ABCE1: variants seen among roughly 807,000 people sequenced by gnomAD.
ABCE1 encodes ATP-binding cassette sub-family E member 1.
ABCE1 carries 22 observed loss-of-function variants against 83.4 expected under a neutral mutation model. The observed-to-expected ratio is 0.26, with a 90% CI of 0.19 to 0.38. ABCE1 has a LOEUF of 0.38. Among genes scored for constraint, ABCE1 ranks in the 10% least tolerant of loss-of-function variants. The probability of loss-of-function intolerance (pLI) is 1.00; values close to 1 mark genes in which losing one functional copy is unlikely to be tolerated. For synonymous variants in ABCE1, 204 were observed against 233.7 expected, an observed-to-expected ratio of 0.87 and a Z score of 1.16; for missense variants, 330 against 721.9, an observed-to-expected ratio of 0.46 and a Z score of 6.22.
chr4:145,106,667 G>A (rs980037148), intron 3 of ABCE1, among the ~76,000 whole-genome samples: 1 of 152,018 alleles, frequency 6.6e-6, no homozygotes, highest in African/African-American at 2.4e-5. Context: ...TGAACACTAA[G>A]ATATTATAAT....
chr4:145,108,368 A>G (rs1749366297), intron 4 of ABCE1, among the ~76,000 whole-genome samples: 1 of 152,170 alleles, frequency 6.6e-6, no homozygotes, highest in Non-Finnish European at 1.5e-5. Flanking sequence ...TAGGGTCTGG[A>G]CCTTAGTATA....
intron 1 of ABCE1, among the ~76,000 whole-genome samples, chr4:145,101,321 G>C (rs1466306455): frequency 1.3e-5 from 2 of 152,134 alleles, no homozygotes; most frequent in Admixed American, 1.3e-4. Flanking sequence ...CATGTGCTAG[G>C]AACAACAAAG....
chr4:145,111,073 CT>C lies in ABCE1; in HGVS notation c.710+12del. 1 of 1,598,374 alleles carries C rather than the reference CT, an allele frequency of 6.3e-7. No individual in the cohort carries two copies. The highest frequency in any genetic ancestry group is 8.5e-7 in the Non-Finnish European group (1 of 1,170,948). ...ATACAGAAAGCTGATATGTAGGTTA[CT>C]TTACAATTTTTGTTTATCTTCATCC... On this transcript the variant is annotated intron_variant, in intron 8 of 17. Coordinates refer to ENST00000296577, the MANE Select transcript of ABCE1 (RefSeq NM_002940.3).
At chr4:145,107,596 C>A (rs1749345188) in intron 3 of ABCE1, among the ~76,000 whole-genome samples, 1 of 152,146 alleles carries the variant, frequency 6.6e-6, no homozygotes, top group South Asian at 2.1e-4. Flanking sequence ...ACAGTTGACC[C>A]ATGAAATCAC....
chr4:145,121,390 CTG>C lies in ABCE1; in HGVS notation c.1263+2_1263+3del. ...CCACAGAAAATTAGTCCCAAATCAA[CTG>C]TGAGTTATTATTTTTTATATGGTTA... is the stretch of plus-strand genomic sequence containing the variant. On this transcript the variant is annotated splice_donor_variant and coding_sequence_variant, in exon 13 of 18. Transcript: ENST00000296577. LOFTEE classifies it high-confidence loss of function. 2 of 1,608,544 alleles carry C rather than the reference CTG, an allele frequency of 1.2e-6. No individual in the cohort carries two copies. The highest frequency in any genetic ancestry group is 1.3e-5 in the African/African-American group (1 of 74,746).
chr4:145,116,254 G>A (rs1201735186), intron 9 of ABCE1, among the ~76,000 whole-genome samples: 1 of 151,866 alleles, frequency 6.6e-6, no homozygotes, highest in Non-Finnish European at 1.5e-5. Context: ...GAAAGTCTAA[G>A]TCTAATTAAT....
At chr4:145,120,798 AT>A (rs928284078) in intron 11 of ABCE1, among the ~76,000 whole-genome samples, 1 of 152,136 alleles carries the variant, frequency 6.6e-6, no homozygotes, top group African/African-American at 2.4e-5. Flanking sequence ...TAATTTAAAT[AT>A]TTTATATAAG....
At chr4:145,110,595 C>G (rs376272835) in intron 7 of ABCE1, 151 bp downstream of exon 7, 1 of 739,772 alleles carries the variant, frequency 1.4e-6, no homozygotes, top group African/African-American at 1.8e-5. Context: ...CCTGCCTCAG[C>G]CTCCCAAGTA....
intron 5 of ABCE1, 53 bp from the exon 6 acceptor site, chr4:145,110,048 CTT>C (rs1015076045): frequency 3.2e-5 from 46 of 1,429,560 alleles, no homozygotes; most frequent in Non-Finnish European, 4.0e-5. Context: ...CATTCATCCT[CTT>C]TGTCATTGTA....
chr4:145,114,229 A>G (rs371841739), intron 9 of ABCE1, among the ~76,000 whole-genome samples: 2 of 152,298 alleles, frequency 1.3e-5, no homozygotes, highest in South Asian at 2.1e-4. Flanking sequence ...GTGTAAAAAT[A>G]CAGTCCCAGT....
Position 145,110,092 on chromosome 4 carries a change from T to C in ABCE1, c.406-11T>C, listed in dbSNP as rs1318441013. 4 of 1,546,064 alleles carry C rather than the reference T, an allele frequency of 2.6e-6. No homozygotes were observed. Among genetic ancestry groups the C allele is most frequent in the Non-Finnish European group, 2.6e-6 (3 of 1,153,110 alleles). ...AATTCACATGATTCTGTATTTTTTT[T>C]TTTTTTTTAGGATCCTCCTGACTGG... On this transcript the variant is annotated splice_polypyrimidine_tract_variant and intron_variant, in intron 5 of 17. Transcript: ENST00000296577.
chr4:145,105,069 T>C (rs1231446433), intron 2 of ABCE1, among the ~76,000 whole-genome samples: 1 of 152,066 alleles, frequency 6.6e-6, no homozygotes, highest in Non-Finnish European at 1.5e-5. Flanking sequence ...CTCTTAGAAT[T>C]ACTGAAACTT....
chr4:145,110,416 GAC>G lies in ABCE1; in HGVS notation c.589_590del (p.Gln197GlyfsTer8). On this transcript the variant is annotated frameshift_variant, in exon 7 of 18. Coordinates refer to ENST00000296577, the MANE Select transcript of ABCE1 (RefSeq NM_002940.3). LOFTEE classifies it high-confidence loss of function. ...TTTTGGACCGAAAAGATGAAACAAA[GAC>G]ACAGGCAATTGTATGTCAGCAGCTT... is the stretch of plus-strand genomic sequence containing the variant. ...SILDRKDETKTQAIVCQQLDL... is the reference protein window; with the variant it reads ...SILDRKDETKXQAIVCQQLDL... The G allele has an allele frequency of 6.2e-7, 1 of 1,612,174 alleles. No individual in the cohort carries two copies. Among genetic ancestry groups the G allele is most frequent in the Non-Finnish European group, 8.5e-7 (1 of 1,179,926 alleles).
intron 9 of ABCE1, among the ~76,000 whole-genome samples, chr4:145,113,391 T>C (rs181729707): frequency 6.6e-6 from 1 of 152,284 alleles, no homozygotes; most frequent in East Asian, 1.9e-4. Context: ...GGAATTGAAA[T>C]TTATATAACC....
intron 10 of ABCE1, among the ~76,000 whole-genome samples, chr4:145,119,578 A>G (rs944749955): frequency 8.6e-5 from 13 of 151,866 alleles, no homozygotes; most frequent in Admixed American, 8.5e-4. Context: ...AAACTTTTAT[A>G]TCAATATTAC....
chr4:145,107,116 G>C (rs957320507), intron 3 of ABCE1, among the ~76,000 whole-genome samples: 1 of 151,936 alleles, frequency 6.6e-6, no homozygotes, highest in Non-Finnish European at 1.5e-5. Context: ...TTGTTCCTTG[G>C]ACAGTCATCT....
chr4:145,120,816 T>C (rs1176680132), intron 11 of ABCE1, among the ~76,000 whole-genome samples: 1 of 152,240 alleles, frequency 6.6e-6, no homozygotes, highest in East Asian at 1.9e-4. Flanking sequence ...TAAGTAAACT[T>C]TAAAATTACA....
At position 145,121,343 on chromosome 4, in the gene ABCE1, A is replaced by C; in HGVS notation, c.1215A>C (p.Pro405=). Residue 405 remains proline, a synonymous_variant, in exon 13 of 18, where the codon CCA becomes CCC. Coordinates refer to ENST00000296577, the MANE Select transcript of ABCE1 (RefSeq NM_002940.3). ...TTCATTATTTTGCAGGAGAAGTACC[A>C]GTTCTAAATGTCAGTTATAAGCCAC... ...RLKPDEGGEV[P]VLNVSYKPQK... 2 of 1,613,262 alleles carry C rather than the reference A, an allele frequency of 1.2e-6. No individual in the cohort carries two copies. Among genetic ancestry groups the C allele is most frequent in the South Asian group, 1.1e-5 (1 of 90,920 alleles).
intron 4 of ABCE1, among the ~76,000 whole-genome samples, chr4:145,108,588 GAACACT>G (rs1449757003): frequency 1.3e-5 from 2 of 152,112 alleles, no homozygotes; most frequent in Non-Finnish European, 2.9e-5. Context: ...TTTATCTGCT[GAACACT>G]AACACTTTGA....
Sources: gnomAD v4.1 joint callset for allele counts (sites outside exome capture counted in the v4.1 genomes callset) on GRCh38, gnomAD v4.1.1 for gene constraint, MANE v1.5 for transcripts, NCBI Gene and HGNC (gene_info 2026-07-23, HGNC 2026-07-21) for gene names.